PSMA1: variants seen among roughly 807,000 people sequenced by gnomAD.
PSMA1 encodes proteasome 20S subunit alpha 1.
A neutral mutation model predicts 38.4 loss-of-function variants in PSMA1; 3 were observed. The observed-to-expected ratio is 0.08, with a 90% confidence interval of 0.04 to 0.20. The LOEUF (loss-of-function observed/expected upper bound fraction) is 0.20. Ranked by LOEUF, PSMA1 falls within the 10% of genes least tolerant of loss-of-function variation. PSMA1 has a pLI of 1.00. For synonymous variants in PSMA1, 101 were observed against 107.1 expected (o/e 0.94, Z 0.35); for missense variants, 227 against 325.3 (o/e 0.70, Z 2.32).
At chr11:14,611,489 T>C (rs1264431442) in intron 1 of PSMA1, among the ~76,000 whole-genome samples, 1 of 152,176 alleles carries the variant, frequency 6.6e-6, no homozygotes, top group African/African-American at 2.4e-5. Flanking sequence ...AAAGTATAAA[T>C]AGTAGAGCTA....
At chr11:14,566,805 A>G (rs1852077309) in intron 2 of PSMA1, among the ~76,000 whole-genome samples, 1 of 152,188 alleles carries the variant, frequency 6.6e-6, no homozygotes, top group Non-Finnish European at 1.5e-5. Flanking sequence ...AAGGCAGTGA[A>G]AAGATACAAA....
At chr11:14,533,812 G>A (rs1399079031) in intron 2 of PSMA1, among the ~76,000 whole-genome samples, 2 of 152,032 alleles carry the variant, frequency 1.3e-5, no homozygotes, top group African/African-American at 4.8e-5. Context: ...TTTGCTTTTT[G>A]CCTTACAAAA....
chr11:14,510,526 G>C (rs1206548783), intron 8 of PSMA1, among the ~76,000 whole-genome samples: 1 of 152,050 alleles, frequency 6.6e-6, no homozygotes, highest in African/African-American at 2.4e-5. Context: ...TGAAGAAAAA[G>C]TTATTTGTTG....
chr11:14,600,251 A>C (rs1251894069), intron 2 of PSMA1, among the ~76,000 whole-genome samples: 4 of 152,220 alleles, frequency 2.6e-5, no homozygotes, highest in Non-Finnish European at 5.9e-5. Context: ...CTCAAACGCT[A>C]TGCTGGGAGA....
At chr11:14,569,149 C>G (rs1852107746) in intron 2 of PSMA1, among the ~76,000 whole-genome samples, 1 of 152,204 alleles carries the variant, frequency 6.6e-6, no homozygotes, top group Admixed American at 6.5e-5. Flanking sequence ...TTTTTCTTTT[C>G]TACCACATTG....
At chr11:14,563,684 G>A (rs908964055) in intron 2 of PSMA1, among the ~76,000 whole-genome samples, 1 of 152,056 alleles carries the variant, frequency 6.6e-6, no homozygotes, top group African/African-American at 2.4e-5. Flanking sequence ...ATAAGAAAAT[G>A]CAGATAAGCT....
At chr11:14,585,269 T>G (rs1456848788) in intron 2 of PSMA1, among the ~76,000 whole-genome samples, 2 of 152,178 alleles carry the variant, frequency 1.3e-5, no homozygotes, top group Non-Finnish European at 2.9e-5. Context: ...GCTTCCCTTC[T>G]TTCTGAACAG....
intron 1 of PSMA1, among the ~76,000 whole-genome samples, chr11:14,616,087 A>C (rs1043405041): frequency 7.2e-5 from 11 of 152,182 alleles, no homozygotes; most frequent in African/African-American, 1.7e-4. Context: ...TTGGCCTGGC[A>C]TCTGGCACCT....
At chr11:14,635,927 C>G (rs1331202666) in intron 1 of PSMA1, among the ~76,000 whole-genome samples, 1 of 152,098 alleles carries the variant, frequency 6.6e-6, no homozygotes, top group Non-Finnish European at 1.5e-5. Flanking sequence ...GTTGGTTTAT[C>G]ATATCTATTT....
chr11:14,596,019 G>C (rs941030768), intron 2 of PSMA1, among the ~76,000 whole-genome samples: 1 of 152,170 alleles, frequency 6.6e-6, no homozygotes. Flanking sequence ...CCTATTGCTT[G>C]TTTTTGTCAG....
Position 14,534,053 on chromosome 11 carries a change from T to C in PSMA1, c.22-15012A>G, listed in dbSNP as rs1172649355. Among the ~76,000 whole-genome samples the C allele has an allele frequency of 1.3e-5, 2 of 152,046 alleles. No homozygotes were observed. Among genetic ancestry groups the C allele is most frequent in the African/African-American group, 4.8e-5 (2 of 41,416 alleles). On this transcript the variant is annotated intron_variant, in intron 2 of 10. Transcript: ENST00000418988. The surrounding 1 kb of genome is among the most constrained non-coding windows in gnomAD (Gnocchi z 4.5). The stretch of plus-strand genomic sequence containing the variant: ...AAAATTAGCCGGGCATGGAGGTGCA[T>C]GTCTGTAACCCCAGCTACTTGGGAA...
intron 1 of PSMA1, among the ~76,000 whole-genome samples, chr11:14,632,606 C>T (rs2133721095): frequency 6.6e-6 from 1 of 151,466 alleles, no homozygotes; most frequent in South Asian, 2.1e-4. Flanking sequence ...AACATTTTTT[C>T]CTTCATTTCA....
intron 2 of PSMA1, among the ~76,000 whole-genome samples, chr11:14,580,460 A>G (rs545477357): frequency 2.0e-5 from 3 of 152,228 alleles, no homozygotes; most frequent in Admixed American, 6.5e-5. Flanking sequence ...ATTCTCTTCA[A>G]TAAGTTGGCA....
chr11:14,584,706 C>T (rs189585829), intron 2 of PSMA1, among the ~76,000 whole-genome samples: 1 of 152,142 alleles, frequency 6.6e-6, no homozygotes, highest in Non-Finnish European at 1.5e-5. Flanking sequence ...GGCTCCTGAA[C>T]TTCTGTTTGC....
chr11:14,631,100 T>A (rs891587182), intron 1 of PSMA1, among the ~76,000 whole-genome samples: 2 of 152,024 alleles, frequency 1.3e-5, no homozygotes, highest in African/African-American at 4.8e-5. Context: ...ATTTTGTTGA[T>A]CCTTTCAAAA....
rs1565057911 is a variant in PSMA1 at position 14,610,907 on chromosome 11, A to G, written c.21+59T>C. 1.3e-5 allele frequency: 21 copies of G among 1,558,638 alleles called. No individual in the cohort carries two copies. The East Asian group carries it at 4.7e-4, about 35-fold the overall frequency. On this transcript the variant is annotated intron_variant, in intron 2 of 10. Transcript: ENST00000418988. Reference sequence around the variant, plus strand: ...TAGGTTTTGTTTTGTGGGGGCTCACATAGTGAGATGTGAAATCTATGCATT... The same window carrying G: ...TAGGTTTTGTTTTGTGGGGGCTCACGTAGTGAGATGTGAAATCTATGCATT...
At chr11:14,524,735 C>A (rs888279094), upstream of PSMA1, among the ~76,000 whole-genome samples, 2 of 152,188 alleles carry the variant, frequency 1.3e-5, no homozygotes, top group Non-Finnish European at 2.9e-5. Flanking sequence ...CTTTGGGAGA[C>A]CAGTCCGCTG....
intron 4 of PSMA1, among the ~76,000 whole-genome samples, chr11:14,515,410 T>C (rs11023246): frequency 0.32 from 48,725 of 152,064 alleles, 9,020 homozygotes; most frequent in South Asian, 0.44. Flanking sequence ...GATTATGTGT[T>C]GGCATGGCAA....
chr11:14,511,204 C>CAA (rs1565031969), intron 7 of PSMA1, among the ~76,000 whole-genome samples: 1 of 152,110 alleles, frequency 6.6e-6, no homozygotes, highest in East Asian at 1.9e-4. Context: ...TAGGTCAAAT[C>CAA]AAAATCCCGA....
Sources: allele counts gnomAD v4.1 joint callset (sites outside exome capture counted in the v4.1 genomes callset), GRCh38; gene constraint gnomAD v4.1.1; non-coding constraint Gnocchi (gnomAD v3.1); transcripts MANE v1.5; gene names NCBI Gene and HGNC (gene_info 2026-07-23, HGNC 2026-07-21).